UGCG: variants seen among roughly 807,000 people sequenced by gnomAD.
UGCG encodes UDP-glucose ceramide glucosyltransferase.
In UGCG, 10 loss-of-function variants were observed where a neutral mutation model predicts 49.5. The observed-to-expected ratio is 0.20, with a 90% CI of 0.12 to 0.34. The LOEUF (loss-of-function observed/expected upper bound fraction) is 0.34. Ranked by LOEUF, UGCG falls within the 10% of genes least tolerant of loss-of-function variation. UGCG has a pLI of 1.00. For missense variants in UGCG, 312 were observed against 483.7 expected, an observed-to-expected ratio of 0.65 and a Z score of 3.33; for synonymous variants, 182 against 158.2, an observed-to-expected ratio of 1.15 and a Z score of -1.13.
At chr9:111,908,060 C>T (rs1321782712) in intron 1 of UGCG, among the ~76,000 whole-genome samples, 6 of 144,562 alleles carry the variant, frequency 4.2e-5, no homozygotes, top group East Asian at 2.1e-4. Context: ...ATCCAGTTAG[C>T]GTTTCTTCAT....
intron 7 of UGCG, 57 bp downstream of exon 7, chr9:111,931,414 G>A: frequency 6.5e-7 from 1 of 1,547,540 alleles, no homozygotes; most frequent in Non-Finnish European, 8.8e-7. Context: ...GAGGGGGGTG[G>A]TAATTTTTAC....
At chr9:111,915,240 C>T (rs949989124) in intron 2 of UGCG, among the ~76,000 whole-genome samples, 1 of 152,178 alleles carries the variant, frequency 6.6e-6, no homozygotes, top group Non-Finnish European at 1.5e-5. Flanking sequence ...CCTTACTGTT[C>T]TGATTTTAAT....
intron 6 of UGCG, among the ~76,000 whole-genome samples, chr9:111,930,078 A>G (rs998076179): frequency 6.6e-6 from 1 of 152,168 alleles, no homozygotes; most frequent in Non-Finnish European, 1.5e-5. Context: ...TCGGCCTCCT[A>G]AAGTGCTGGG....
rs530341494 is a variant in UGCG at position 111,901,910 on chromosome 9, G to A, written c.98+4597G>A. Among the ~76,000 whole-genome samples the A allele has an allele frequency of 2.6e-5, 4 of 152,190 alleles. No individual in the cohort carries two copies. In the South Asian group the frequency reaches 8.3e-4, roughly 32 times the overall value. On this transcript the variant is annotated intron_variant, in intron 1 of 8. Transcript: ENST00000374279. The stretch of plus-strand genomic sequence containing the variant: ...TTCTTATTGTAGCCTTTATCCTTCT[G>A]GATTACTAATCTTGGATCACAGTAG...
chr9:111,897,920 G>GT (rs1434429176), intron 1 of UGCG, among the ~76,000 whole-genome samples: 1 of 149,646 alleles, frequency 6.7e-6, no homozygotes, highest in Non-Finnish European at 1.5e-5. Flanking sequence ...TCGTTTTATT[G>GT]TTTTATGTAG....
chr9:111,917,541 A>G (rs1838132217), intron 2 of UGCG, among the ~76,000 whole-genome samples: 1 of 152,236 alleles, frequency 6.6e-6, no homozygotes, highest in African/African-American at 2.4e-5. Flanking sequence ...CATTTTGGAC[A>G]TAACTTTCTC....
chr9:111,903,303 G>A lies in UGCG; in HGVS notation c.98+5990G>A, dbSNP rs190390064. Among the ~76,000 whole-genome samples, 685 of 152,170 alleles carry A rather than the reference G, an allele frequency of 4.5e-3. 5 individuals are homozygous for A. Among genetic ancestry groups the A allele is most frequent in the African/African-American group, 0.016 (650 of 41,542 alleles). ...AGACAGACAGGGCGTGGTGGCTCAC[G>A]CCTGTAATCCCAGCACTTTGGGAGG... On this transcript the variant is annotated intron_variant, in intron 1 of 8. Coordinates refer to ENST00000374279, the MANE Select transcript of UGCG (RefSeq NM_003358.3).
chr9:111,902,246 T>G (rs1444838695), intron 1 of UGCG, among the ~76,000 whole-genome samples: 1 of 152,242 alleles, frequency 6.6e-6, no homozygotes, highest in Non-Finnish European at 1.5e-5. Context: ...TGGTGGAATC[T>G]TCTACATTCT....
chr9:111,932,755 G>A (rs1325810490), intron 8 of UGCG, 72 bp from the exon 9 acceptor site: 1 of 1,393,570 alleles, frequency 7.2e-7, no homozygotes, highest in African/African-American at 1.5e-5. Context: ...TGAAATCCAA[G>A]AATTTAATTT....
At chr9:111,915,935 C>A in intron 2 of UGCG, 1 of 628,742 alleles carries the variant, frequency 1.6e-6, no homozygotes, top group Non-Finnish European at 2.0e-6. Flanking sequence ...GTATTGGAAG[C>A]TGTTTTGAAG....
intron 1 of UGCG, among the ~76,000 whole-genome samples, chr9:111,899,255 T>C (rs980695577): frequency 5.9e-5 from 9 of 152,274 alleles, no homozygotes; most frequent in Admixed American, 5.9e-4. Flanking sequence ...TTTTAAACTT[T>C]GATACATATT....
At chr9:111,927,663 G>A (rs1380791745) in intron 5 of UGCG, among the ~76,000 whole-genome samples, 1 of 152,082 alleles carries the variant, frequency 6.6e-6, no homozygotes, top group Non-Finnish European at 1.5e-5. Flanking sequence ...GTGTTAGCCA[G>A]GATGGTCTCG....
intron 1 of UGCG, among the ~76,000 whole-genome samples, chr9:111,898,508 G>A (rs1837709212): frequency 6.6e-6 from 1 of 152,006 alleles, no homozygotes; most frequent in Non-Finnish European, 1.5e-5. Context: ...TGCTGGTACA[G>A]GTTATACTGA....
intron 1 of UGCG, among the ~76,000 whole-genome samples, chr9:111,912,745 AGCAAT>A (rs1838036467): frequency 6.6e-6 from 1 of 152,224 alleles, no homozygotes; most frequent in Admixed American, 6.5e-5. Flanking sequence ...ACCAGTAAAA[AGCAAT>A]GCTGGACCAG....
At chr9:111,917,032 G>C (rs1272389500) in intron 2 of UGCG, among the ~76,000 whole-genome samples, 1 of 152,034 alleles carries the variant, frequency 6.6e-6, no homozygotes, top group Non-Finnish European at 1.5e-5. Flanking sequence ...GGAAATTACA[G>C]TTTAGAATGA....
chr9:111,928,406 T>C (rs1005040325), intron 5 of UGCG, among the ~76,000 whole-genome samples: 12 of 152,226 alleles, frequency 7.9e-5, no homozygotes, highest in African/African-American at 2.2e-4. Context: ...GTGATGTGTA[T>C]GTCAATAAAC....
intron 1 of UGCG, among the ~76,000 whole-genome samples, chr9:111,913,293 A>G (rs1427837374): frequency 6.6e-6 from 1 of 152,210 alleles, no homozygotes; most frequent in Non-Finnish European, 1.5e-5. Flanking sequence ...AGACTTGTTT[A>G]TGAGAAGTAC....
In UGCG at chr9:111,896,959, C is replaced by T. The variant is rs1396924544; in HGVS notation, c.-257C>T. ...CCGGAGCGCGGGACCGCGGTCGCCC[C>T]GACCAGAGCCGGGAGACCGCAGCAC... On this transcript the variant is annotated 5_prime_UTR_variant, in exon 1 of 9. Coordinates refer to ENST00000374279, the MANE Select transcript of UGCG (RefSeq NM_003358.3). The T allele has an allele frequency of 4.8e-6, 1 of 209,958 alleles. No homozygotes were observed. Among genetic ancestry groups the T allele is most frequent in the African/African-American group, 2.3e-5 (1 of 42,730 alleles). 13.0% of individuals were successfully genotyped at this position (209,958 alleles called of 1,614,324 possible).
intron 1 of UGCG, among the ~76,000 whole-genome samples, chr9:111,913,691 C>G (rs146776757): frequency 0.019 from 2,877 of 151,492 alleles, 45 homozygotes; most frequent in East Asian, 0.063. Context: ...CCACCCGCCT[C>G]AGCCTCCCAA....
Sources: gnomAD v4.1 joint callset for allele counts (sites outside exome capture counted in the v4.1 genomes callset) on GRCh38, gnomAD v4.1.1 for gene constraint, MANE v1.5 for transcripts, NCBI Gene and HGNC (gene_info 2026-07-23, HGNC 2026-07-21) for gene names.